Variants in ERC1 observed in about 807,000 individuals in gnomAD.
The protein encoded by ERC1 is ELKS/RAB6-interacting/CAST family member 1, also known as RAB6 interacting protein 2.
In ERC1, 56 loss-of-function variants were observed where a neutral mutation model predicts 132.0. The ratio of observed to expected loss-of-function variants is 0.42; its 90% CI spans 0.34 to 0.53. The LOEUF is 0.53. Among genes scored for constraint, ERC1 ranks in the 20% least tolerant of loss-of-function variants. The probability of loss-of-function intolerance (pLI) is 0.03; values close to 1 mark genes in which losing one functional copy is unlikely to be tolerated. For synonymous variants in ERC1, 478 were observed against 476.1 expected (o/e 1.00, Z -0.05); for missense variants, 1,202 against 1,349.9 (o/e 0.89, Z 1.72).
intron 2 of ERC1, among the ~76,000 whole-genome samples, chr12:1,065,478 G>A (rs1231605966): frequency 2.6e-5 from 3 of 113,500 alleles, no homozygotes; most frequent in African/African-American, 6.7e-5. Flanking sequence ...TCTTTGTACC[G>A]TTTGTGTGTG....
intron 2 of ERC1, among the ~76,000 whole-genome samples, chr12:1,038,692 T>C (rs1969588199): frequency 6.6e-6 from 1 of 152,158 alleles, no homozygotes; most frequent in Admixed American, 6.5e-5. Context: ...TCAATGAAGA[T>C]TTTGAAGAAA....
chr12:1,282,946 T>G (rs1402328457), intron 14 of ERC1, among the ~76,000 whole-genome samples: 2 of 152,198 alleles, frequency 1.3e-5, no homozygotes, highest in Non-Finnish European at 2.9e-5. Context: ...CAAGAGAGTA[T>G]AACAAGATTT....
At chr12:1,311,269 T>G (rs1450575122) in intron 15 of ERC1, among the ~76,000 whole-genome samples, 1 of 152,230 alleles carries the variant, frequency 6.6e-6, no homozygotes, top group Non-Finnish European at 1.5e-5. Flanking sequence ...CAGACAAAAC[T>G]ACTTGGCAAG....
chr12:1,030,362 C>T (rs974184072), intron 2 of ERC1, among the ~76,000 whole-genome samples: 1 of 152,136 alleles, frequency 6.6e-6, no homozygotes, highest in Non-Finnish European at 1.5e-5. Context: ...ATGAAGAAGT[C>T]ATCTGCCACA....
chr12:1,311,998 C>T (rs80308939), intron 15 of ERC1, among the ~76,000 whole-genome samples: 4,643 of 152,246 alleles, frequency 0.03, 114 homozygotes, highest in Middle Eastern at 0.051. Context: ...AAAACTATGT[C>T]CCCATTTTTC....
intron 18 of ERC1, chr12:1,444,989 T>C (rs1398297365): frequency 2.2e-5 from 9 of 403,702 alleles, no homozygotes; most frequent in Admixed American, 8.0e-5. Flanking sequence ...TTTAAACTGA[T>C]TTTTAATTGA....
chr12:1,387,232 G>A (rs776605347), intron 16 of ERC1, among the ~76,000 whole-genome samples: 7 of 152,190 alleles, frequency 4.6e-5, no homozygotes, highest in Non-Finnish European at 1.0e-4. Flanking sequence ...GGACTTTCAA[G>A]TGATGCTGTT....
intron 13 of ERC1, among the ~76,000 whole-genome samples, chr12:1,247,079 A>AG (rs2076200534): frequency 7.0e-6 from 1 of 141,898 alleles, no homozygotes; most frequent in South Asian, 2.3e-4. Flanking sequence ...CAGTGAGCCC[A>AG]GGAGTTTGAG....
chr12:1,206,724 AG>A (rs1255026837), intron 12 of ERC1, among the ~76,000 whole-genome samples: 1 of 152,166 alleles, frequency 6.6e-6, no homozygotes, highest in Non-Finnish European at 1.5e-5. Context: ...TTCAGAGATG[AG>A]AGCTATAAAT....
chr12:1,079,933 A>G (rs1255502058), intron 2 of ERC1, among the ~76,000 whole-genome samples: 1 of 152,264 alleles, frequency 6.6e-6, no homozygotes, highest in Non-Finnish European at 1.5e-5. Flanking sequence ...AATGATTTGT[A>G]ATATGTATCA....
At chr12:1,095,044 T>C (rs1943834830) in intron 3 of ERC1, among the ~76,000 whole-genome samples, 1 of 152,210 alleles carries the variant, frequency 6.6e-6, no homozygotes, top group Non-Finnish European at 1.5e-5. Context: ...ACCTAAGTTT[T>C]ACTTTTTAGT....
chr12:1,255,516 CA>C (rs1484797983), intron 13 of ERC1, among the ~76,000 whole-genome samples: 2 of 151,478 alleles, frequency 1.3e-5, no homozygotes, highest in African/African-American at 4.8e-5. Context: ...CTTGAGGAAT[CA>C]CCACACTGTC....
At chr12:1,419,641 C>T (rs971432704) in intron 17 of ERC1, among the ~76,000 whole-genome samples, 1 of 151,198 alleles carries the variant, frequency 6.6e-6, no homozygotes, top group Non-Finnish European at 1.5e-5. Context: ...TTGTGAAAAA[C>T]CAAAGTAATG....
At chr12:1,303,590 G>A (rs1462791271) in intron 15 of ERC1, among the ~76,000 whole-genome samples, 2 of 151,106 alleles carry the variant, frequency 1.3e-5, no homozygotes, top group Non-Finnish European at 2.9e-5. Context: ...AGTGAGCTGA[G>A]ATCTCGCCAC....
At chr12:1,149,513 C>T (rs1345029781) in intron 8 of ERC1, among the ~76,000 whole-genome samples, 2 of 152,084 alleles carry the variant, frequency 1.3e-5, no homozygotes, top group Admixed American at 6.6e-5. Flanking sequence ...GTCCTCCTAC[C>T]TCACTTCTTG....
chr12:1,312,249 T>C (rs145924843), intron 15 of ERC1, among the ~76,000 whole-genome samples: 1 of 152,360 alleles, frequency 6.6e-6, no homozygotes, highest in African/African-American at 2.4e-5. Context: ...GCTTGACCTC[T>C]AGCTTTAAGC....
chr12:1,320,979 G>A (rs140838698), intron 15 of ERC1, among the ~76,000 whole-genome samples: 2,895 of 152,330 alleles, frequency 0.019, 39 homozygotes, highest in Non-Finnish European at 0.031. Context: ...GGGATTACAG[G>A]CATGAGCCAC....
At chr12:1,049,826 C>T (rs1385519692) in intron 2 of ERC1, among the ~76,000 whole-genome samples, 1 of 147,750 alleles carries the variant, frequency 6.8e-6, no homozygotes, top group African/African-American at 2.5e-5. Flanking sequence ...GATCTCAGCT[C>T]ACTGCAACCT....
chr12:1,357,615 G>A (rs1292781699), intron 15 of ERC1, among the ~76,000 whole-genome samples: 1 of 152,164 alleles, frequency 6.6e-6, no homozygotes, highest in African/African-American at 2.4e-5. Flanking sequence ...AACAACAGGT[G>A]TACCTTAGTT....
Sources: gnomAD v4.1 joint callset for allele counts (sites outside exome capture counted in the v4.1 genomes callset) on GRCh38, gnomAD v4.1.1 for gene constraint, MANE v1.5 for transcripts, NCBI Gene and HGNC (gene_info 2026-07-23, HGNC 2026-07-21) for gene names.